Variants in AK5 observed in about 807,000 individuals in gnomAD.
The protein encoded by AK5 is adenylate kinase isoenzyme 5.
In AK5, 27 loss-of-function variants were observed where a neutral mutation model predicts 69.5. The ratio of observed to expected loss-of-function variants is 0.39; its 90% CI spans 0.29 to 0.54. AK5 has a LOEUF of 0.54. AK5 is among the 20% of genes least tolerant of loss of function. The probability of loss-of-function intolerance (pLI) is 0.71; values close to 1 mark genes in which losing one functional copy is unlikely to be tolerated. For missense variants in AK5, 531 were observed against 700.4 expected (o/e 0.76, Z 2.73); for synonymous variants, 260 against 244.4 (o/e 1.06, Z -0.60).
intron 10 of AK5, among the ~76,000 whole-genome samples, chr1:77,488,653 A>T (rs1161213178): frequency 6.6e-6 from 1 of 152,216 alleles, no homozygotes; most frequent in African/African-American, 2.4e-5. Flanking sequence ...CGCAAAACTG[A>T]AGAACTTGGA....
intron 8 of AK5, among the ~76,000 whole-genome samples, chr1:77,482,354 G>C (rs1030794804): frequency 2.0e-5 from 3 of 152,182 alleles, no homozygotes; most frequent in African/African-American, 7.2e-5. Flanking sequence ...ATAAGGAATA[G>C]AGCATCTGTT....
At chr1:77,381,666 C>T (rs138655475) in intron 6 of AK5, among the ~76,000 whole-genome samples, 2 of 152,286 alleles carry the variant, frequency 1.3e-5, no homozygotes, top group Non-Finnish European at 2.9e-5. Flanking sequence ...CAAAGGAAAT[C>T]TGAACAATTT....
At chr1:77,289,513 A>C (rs559282337) in intron 2 of AK5, among the ~76,000 whole-genome samples, 90 of 152,296 alleles carry the variant, frequency 5.9e-4, no homozygotes, top group African/African-American at 2.1e-3. Flanking sequence ...TCAGGTATAC[A>C]TTTTAAAAAT....
At chr1:77,360,496 G>T (rs555474724) in intron 6 of AK5, among the ~76,000 whole-genome samples, 5 of 152,076 alleles carry the variant, frequency 3.3e-5, no homozygotes, top group East Asian at 1.9e-4. Context: ...GAGAAGTTAG[G>T]GGGGGTGGAT....
chr1:77,296,314 A>G (rs1659000535), intron 3 of AK5, among the ~76,000 whole-genome samples: 1 of 152,162 alleles, frequency 6.6e-6, no homozygotes, highest in African/African-American at 2.4e-5. Context: ...CCTAATATTT[A>G]TAAGTTTTAG....
chr1:77,490,703 T>C (rs1232035529), intron 10 of AK5, among the ~76,000 whole-genome samples: 8 of 152,146 alleles, frequency 5.3e-5, no homozygotes, highest in Non-Finnish European at 1.2e-4. Flanking sequence ...AAAATAGCCT[T>C]TAAAGGGCCT....
intron 5 of AK5, chr1:77,313,757 T>A (rs904385525): frequency 2.0e-6 from 1 of 512,430 alleles, no homozygotes; most frequent in African/African-American, 1.9e-5. Context: ...GCTGCCGTGA[T>A]TCTTAGGATC....
At chr1:77,472,770 G>A (rs1192907521) in intron 8 of AK5, among the ~76,000 whole-genome samples, 2 of 89,130 alleles carry the variant, frequency 2.2e-5, no homozygotes, top group African/African-American at 6.9e-5. Flanking sequence ...CACACCTGTG[G>A]TCCCAGCTAC....
intron 2 of AK5, among the ~76,000 whole-genome samples, chr1:77,288,163 C>T (rs1481116850): frequency 6.6e-6 from 1 of 152,158 alleles, no homozygotes; most frequent in Admixed American, 6.5e-5. Context: ...TTGTTTAGAA[C>T]TAAAAACCGC....
intron 8 of AK5, among the ~76,000 whole-genome samples, chr1:77,480,119 AGTGTGT>A (rs10618389): frequency 0.12 from 17,513 of 149,708 alleles, 1,274 homozygotes; most frequent in African/African-American, 0.2. Context: ...ATTCACCCCG[AGTGTGT>A]GTGTGTGTGT....
chr1:77,495,807 A>T (rs1656277876), intron 10 of AK5, among the ~76,000 whole-genome samples: 1 of 151,812 alleles, frequency 6.6e-6, no homozygotes, highest in Admixed American at 6.6e-5. Flanking sequence ...ATGGAGGTGG[A>T]GGGGGAAAAT....
At chr1:77,338,625 G>T (rs1446477786) in intron 5 of AK5, among the ~76,000 whole-genome samples, 1 of 152,178 alleles carries the variant, frequency 6.6e-6, no homozygotes, top group Non-Finnish European at 1.5e-5. Flanking sequence ...GAAAGAGTGA[G>T]AACCTGGAGA....
chr1:77,373,739 AAAAAAC>A (rs1647167097), intron 6 of AK5, among the ~76,000 whole-genome samples: 1 of 152,088 alleles, frequency 6.6e-6, no homozygotes, highest in Middle Eastern at 3.2e-3. Context: ...AAAGAAAAAA[AAAAAAC>A]AAAAAACATA....
At chr1:77,289,643 A>C (rs1046604751) in intron 2 of AK5, among the ~76,000 whole-genome samples, 1 of 152,194 alleles carries the variant, frequency 6.6e-6, no homozygotes, top group South Asian at 2.1e-4. Flanking sequence ...TACACAGAAG[A>C]TAGGCATGTG....
chr1:77,431,863 A>G (rs1329827665), intron 8 of AK5, among the ~76,000 whole-genome samples: 1 of 152,196 alleles, frequency 6.6e-6, no homozygotes. Flanking sequence ...AATAGTTTTG[A>G]GATAATTATC....
At chr1:77,338,584 G>T (rs759012673) in intron 5 of AK5, among the ~76,000 whole-genome samples, 2 of 151,408 alleles carry the variant, frequency 1.3e-5, no homozygotes, top group Non-Finnish European at 2.9e-5. Flanking sequence ...GCAAAAGGTA[G>T]TGGTTGAAAC....
chr1:77,510,373 C>A (rs1316575734), intron 10 of AK5, among the ~76,000 whole-genome samples: 1 of 148,416 alleles, frequency 6.7e-6, no homozygotes, highest in Non-Finnish European at 1.5e-5. Context: ...TAGAAGCAAG[C>A]CAAAAAGTAA....
chr1:77,553,849 C>T (rs1219902061), intron 13 of AK5, among the ~76,000 whole-genome samples: 4 of 152,078 alleles, frequency 2.6e-5, no homozygotes, highest in Middle Eastern at 3.2e-3. Flanking sequence ...TTTGATAAGG[C>T]GAGCTCAGGT....
intron 8 of AK5, among the ~76,000 whole-genome samples, chr1:77,459,459 A>G (rs1039572439): frequency 6.6e-6 from 1 of 152,152 alleles, no homozygotes; most frequent in Non-Finnish European, 1.5e-5. Flanking sequence ...GGCAGAAACC[A>G]CTGTCTTCAC....
Sources: allele counts gnomAD v4.1 joint callset (sites outside exome capture counted in the v4.1 genomes callset), GRCh38; gene constraint gnomAD v4.1.1; transcripts MANE v1.5; gene names NCBI Gene and HGNC (gene_info 2026-07-23, HGNC 2026-07-21).